CSMD2: variants seen among roughly 807,000 people sequenced by gnomAD.
CSMD2 encodes CUB and sushi domain-containing protein 2.
A neutral mutation model predicts 398.5 loss-of-function variants in CSMD2; 130 were observed. That is an observed-to-expected ratio of 0.33 (90% CI 0.28 to 0.38). CSMD2 has a LOEUF of 0.38. CSMD2 is among the 10% of genes least tolerant of loss of function. The pLI is 1.00. For missense variants in CSMD2, 3,829 were observed against 4,764.9 expected (o/e 0.80, Z 5.78); for synonymous variants, 1,828 against 1,908.5 (o/e 0.96, Z 1.10).
rs76581223 is a variant in CSMD2, at chr1:33,785,186, C to A, written c.1663+3414G>T. On this transcript the variant is annotated intron_variant, in intron 12 of 70. Transcript: ENST00000373381. ...TAGCTATTATAATCACAGCACCCAG[C>A]AAAATGTTGGTCACATAACAAAAGC... Among the ~76,000 whole-genome samples, 1,477 of 152,306 alleles carry A rather than the reference C, an allele frequency of 9.7e-3. 11 individuals carry two copies. Among genetic ancestry groups the A allele is most frequent in the Non-Finnish European group, 0.015 (988 of 68,018 alleles).
At chr1:34,044,420 T>C (rs932312863) in intron 2 of CSMD2, among the ~76,000 whole-genome samples, 6 of 152,206 alleles carry the variant, frequency 3.9e-5, no homozygotes, top group African/African-American at 1.4e-4. Context: ...GCCCCTTTTA[T>C]TCCTAAAGCA....
Position 33,890,496 on chromosome 1 carries a change from C to T in CSMD2, c.920+27598G>A, listed in dbSNP as rs1253971877. Reference sequence around the variant, plus strand: ...CTGCCTGCCTTGGCCTCCCAAAGTGCTGGGATTACAGGCATGAGACACCGT... The same window carrying T: ...CTGCCTGCCTTGGCCTCCCAAAGTGTTGGGATTACAGGCATGAGACACCGT... On this transcript the variant is annotated intron_variant, in intron 5 of 70. Coordinates refer to ENST00000373381, the MANE Select transcript of CSMD2 (RefSeq NM_001281956.2). Among the ~76,000 whole-genome samples the T allele has an allele frequency of 3.3e-5, 5 of 152,142 alleles. No homozygotes were observed. The South Asian group carries it at 1.0e-3, about 31-fold the overall frequency.
intron 3 of CSMD2, among the ~76,000 whole-genome samples, chr1:33,945,039 G>C (rs1005361442): frequency 2.0e-5 from 3 of 151,970 alleles, no homozygotes; most frequent in Non-Finnish European, 2.9e-5. Context: ...GGGCTGCAAA[G>C]ACATCCATCA....
chr1:33,876,061 G>A (rs1186383035), intron 5 of CSMD2, among the ~76,000 whole-genome samples: 1 of 152,194 alleles, frequency 6.6e-6, no homozygotes, highest in African/African-American at 2.4e-5. Flanking sequence ...GCCATCAGGG[G>A]CTGCTGTTCT....
At chr1:33,848,810 G>GTTT (rs35897729) in intron 5 of CSMD2, among the ~76,000 whole-genome samples, 16 of 142,722 alleles carry the variant, frequency 1.1e-4, no homozygotes, top group Non-Finnish European at 1.5e-4. Flanking sequence ...CGTATTGTGG[G>GTTT]TTTTTTTTTT....
intron 3 of CSMD2, among the ~76,000 whole-genome samples, chr1:33,990,615 CA>C (rs1456767383): frequency 6.6e-6 from 1 of 152,152 alleles, no homozygotes; most frequent in Non-Finnish European, 1.5e-5. Flanking sequence ...TCAGTCACCC[CA>C]AACTCAAGGG....
rs189012358 is a variant in CSMD2 at position 33,736,239 on chromosome 1, C to T, written c.2368+2901G>A. On this transcript the variant is annotated intron_variant, in intron 15 of 70. Coordinates refer to ENST00000373381, the MANE Select transcript of CSMD2 (RefSeq NM_001281956.2). ...ACCTTGCTTATGAAATAGTGAGCCG[C>T]GGGAGGCTGAGGTGGGTGGATCACG... Among the ~76,000 whole-genome samples, 111 of 152,196 alleles carry T rather than the reference C, an allele frequency of 7.3e-4. No individual in the cohort carries two copies. In the East Asian group the frequency reaches 7.4e-3, roughly 10 times the overall value.
intron 1 of CSMD2, among the ~76,000 whole-genome samples, chr1:34,159,759 T>A (rs1641161644): frequency 6.6e-6 from 1 of 152,188 alleles, no homozygotes; most frequent in African/African-American, 2.4e-5. Flanking sequence ...TATGAGCTGT[T>A]ATTATAACTC....
In CSMD2 at chr1:34,106,625, C is replaced by T. The variant is rs915467382; in HGVS notation, c.188-17432G>A. Among the ~76,000 whole-genome samples the T allele has an allele frequency of 3.3e-5, 5 of 152,130 alleles. No individual in the cohort carries two copies. The East Asian group carries it at 9.7e-4, about 29-fold the overall frequency. ...TCTGGTTCCACTCTGCACCCAGCAC[C>T]AGGGGTCAGAGCCTGGGATTTATTG... On this transcript the variant is annotated intron_variant, in intron 1 of 70. Transcript: ENST00000373381.
intron 5 of CSMD2, among the ~76,000 whole-genome samples, chr1:33,880,735 T>C (rs1641178714): frequency 1.3e-5 from 2 of 152,232 alleles, no homozygotes; most frequent in South Asian, 4.1e-4. Context: ...GCAAAGCTCA[T>C]ATTGGTACAA....
At chr1:33,583,391 G>T (rs1181225972) in intron 47 of CSMD2, among the ~76,000 whole-genome samples, 1 of 152,228 alleles carries the variant, frequency 6.6e-6, no homozygotes, top group Non-Finnish European at 1.5e-5. Flanking sequence ...ACATGAACAG[G>T]AATGGCTTTG....
chr1:33,973,093 C>G (rs1448993037), intron 3 of CSMD2, among the ~76,000 whole-genome samples: 5 of 152,214 alleles, frequency 3.3e-5, no homozygotes, highest in Non-Finnish European at 7.3e-5. Flanking sequence ...GACCCAGGCC[C>G]TGTCTTTCTT....
rs1161940022 is a variant in CSMD2 at position 33,646,798 on chromosome 1, A to T, written c.4624T>A (p.Tyr1542Asn). Residue 1542 changes from tyrosine to asparagine, a missense_variant, in exon 29 of 71, where the codon TAC becomes AAC. Physicochemically the swap from Tyr to Asn is moderately radical, Grantham distance 143. Coordinates refer to ENST00000373381, the MANE Select transcript of CSMD2 (RefSeq NM_001281956.2). ...LEPGYDFLHI[Y>N]DGRDSLSPLI... Reference sequence around the variant, plus strand: ...GGGCTGAGAGAGTCCCGTCCGTCGTAGATATGGAGGAAGTCATAGCCAGGC... The same window carrying T: ...GGGCTGAGAGAGTCCCGTCCGTCGTTGATATGGAGGAAGTCATAGCCAGGC... 1 of 1,613,590 alleles carries T rather than the reference A, an allele frequency of 6.2e-7. No individual in the cohort carries two copies. Among genetic ancestry groups the T allele is most frequent in the Non-Finnish European group, 8.5e-7 (1 of 1,179,806 alleles).
chr1:33,684,605 C>T (rs536659239), intron 25 of CSMD2, among the ~76,000 whole-genome samples: 1 of 152,360 alleles, frequency 6.6e-6, no homozygotes, highest in African/African-American at 2.4e-5. Flanking sequence ...CCAATTTATC[C>T]TCTGCACTGC....
At chr1:34,071,211 C>T (rs574366920) in intron 2 of CSMD2, among the ~76,000 whole-genome samples, 1 of 152,304 alleles carries the variant, frequency 6.6e-6, no homozygotes, top group South Asian at 2.1e-4. Flanking sequence ...TCTGCTCCTC[C>T]AGGCAGGATT....
chr1:33,571,535 G>A lies in CSMD2; in HGVS notation c.7954C>T (p.Arg2652Ter). The A allele has an allele frequency of 1.4e-6, 2 of 1,452,908 alleles. No homozygotes were observed. Among genetic ancestry groups the A allele is most frequent in the Non-Finnish European group, 1.8e-6 (2 of 1,083,988 alleles). The allele number at this position is 1,452,908 out of a possible 1,614,324, so 90.0% of individuals were successfully genotyped here. ...CACCCTCCCTTCCTGGGCTTACTTCGGCAGGTGGGCGTAGAGTCCCCGAGG... is the reference window on the plus strand; with the variant it reads ...CACCCTCCCTTCCTGGGCTTACTTCAGCAGGTGGGCGTAGAGTCCCCGAGG... ...WSLGDSTPTC[R>*]IISCGELPIP... Residue 2652 changes from arginine to a stop codon, truncating the protein, a stop_gained, in exon 51 of 71, where the codon CGA becomes TGA. Coordinates refer to ENST00000373381, the MANE Select transcript of CSMD2 (RefSeq NM_001281956.2). LOFTEE classifies it high-confidence loss of function.
At chr1:34,110,756 G>A (rs115263771) in intron 1 of CSMD2, among the ~76,000 whole-genome samples, 322 of 152,228 alleles carry the variant, frequency 2.1e-3, no homozygotes, top group African/African-American at 7.4e-3. Context: ...GGTGGAGAAC[G>A]GGAGGAGGGA....
At chr1:34,071,543 A>C (rs1655735344) in intron 2 of CSMD2, among the ~76,000 whole-genome samples, 1 of 152,240 alleles carries the variant, frequency 6.6e-6, no homozygotes, top group Non-Finnish European at 1.5e-5. Context: ...AGATAGAAAG[A>C]GAGGATTGCA....
At chr1:33,992,525 C>CT (rs1044775235) in intron 3 of CSMD2, among the ~76,000 whole-genome samples, 19 of 151,244 alleles carry the variant, frequency 1.3e-4, no homozygotes, top group Non-Finnish European at 1.9e-4. Context: ...CCTAGCATGG[C>CT]TTTTTTAACA....
Sources: gnomAD v4.1 joint callset for allele counts (sites outside exome capture counted in the v4.1 genomes callset) on GRCh38, gnomAD v4.1.1 for gene constraint, MANE v1.5 for transcripts, NCBI Gene and HGNC (gene_info 2026-07-23, HGNC 2026-07-21) for gene names.